The following GRID1 variants were observed in gnomAD, a reference collection of about 807,000 sequenced individuals.
The protein encoded by GRID1 is glutamate receptor ionotropic, delta-1.
Under a neutral mutation model 98.0 loss-of-function variants are expected in GRID1, and 28 were observed. That is an observed-to-expected ratio of 0.29 (90% CI 0.21 to 0.39). The LOEUF is 0.39. Ranked by LOEUF, GRID1 falls within the 10% of genes least tolerant of loss-of-function variation. The probability of loss-of-function intolerance (pLI) is 1.00; values close to 1 mark genes in which losing one functional copy is unlikely to be tolerated. For synonymous variants in GRID1, 553 were observed against 538.5 expected (o/e 1.03, Z -0.37); for missense variants, 1,111 against 1,340.5 (o/e 0.83, Z 2.67).
chr10:86,196,028 G>T (rs1014711039), intron 3 of GRID1, among the ~76,000 whole-genome samples: 4 of 152,040 alleles, frequency 2.6e-5, no homozygotes, highest in Non-Finnish European at 4.4e-5. Context: ...ATCAGAAGAG[G>T]AAAACCCTAT....
intron 3 of GRID1, among the ~76,000 whole-genome samples, chr10:86,172,529 A>G (rs947736622): frequency 6.6e-6 from 1 of 152,196 alleles, no homozygotes; most frequent in African/African-American, 2.4e-5. Context: ...TCCCACCGCA[A>G]AGTACTGCCC....
intron 2 of GRID1, among the ~76,000 whole-genome samples, chr10:86,307,733 G>A (rs912004085): frequency 2.6e-5 from 4 of 152,048 alleles, no homozygotes; most frequent in African/African-American, 9.7e-5. Flanking sequence ...GTGATGATAT[G>A]TTCATTAGCC....
At chr10:85,970,203 G>C (rs778363918) in intron 4 of GRID1, among the ~76,000 whole-genome samples, 1 of 151,948 alleles carries the variant, frequency 6.6e-6, no homozygotes, top group Non-Finnish European at 1.5e-5. Flanking sequence ...TAAAGTCAAA[G>C]CCCAGATGTC....
intron 12 of GRID1, among the ~76,000 whole-genome samples, chr10:85,675,895 G>C (rs556565720): frequency 6.6e-6 from 1 of 152,146 alleles, no homozygotes; most frequent in Non-Finnish European, 1.5e-5. Flanking sequence ...CATGCATTTT[G>C]TGAGGGCTGG....
chr10:85,944,066 G>A (rs1319042149), intron 4 of GRID1, among the ~76,000 whole-genome samples: 2 of 152,196 alleles, frequency 1.3e-5, no homozygotes, highest in Non-Finnish European at 2.9e-5. Context: ...ATGGCCCACT[G>A]GCCTCCATTG....
In GRID1 at chr10:86,189,579, T is replaced by C. The variant is rs116919123; in HGVS notation, c.520+16785A>G. Among the ~76,000 whole-genome samples, 107 of 152,140 alleles carry C rather than the reference T, an allele frequency of 7.0e-4. No homozygotes were observed. The East Asian group carries it at 0.015, about 22-fold the overall frequency. On this transcript the variant is annotated intron_variant, in intron 3 of 15. Transcript: ENST00000327946. ...CCACAAACTGCACTAAAAACACAAC[T>C]TTATAGATCCCTGACCATGAACCTG...
intron 3 of GRID1, among the ~76,000 whole-genome samples, chr10:86,188,430 T>A (rs1467451773): frequency 2.0e-5 from 3 of 152,328 alleles, no homozygotes; most frequent in Admixed American, 2.0e-4. Context: ...TTGCTAGGCC[T>A]GTCCTGTCCA....
At chr10:85,828,279 C>A (rs1247600365) in intron 8 of GRID1, among the ~76,000 whole-genome samples, 1 of 151,968 alleles carries the variant, frequency 6.6e-6, no homozygotes, top group East Asian at 1.9e-4. Context: ...ATCTCTGGGA[C>A]ACAGCTAAAG....
chr10:85,929,949 T>A (rs1467002760), intron 4 of GRID1, among the ~76,000 whole-genome samples: 3 of 152,214 alleles, frequency 2.0e-5, no homozygotes, highest in Non-Finnish European at 4.4e-5. Context: ...TTCATTTCCC[T>A]TCCCAGTATT....
chr10:86,301,143 G>A (rs1047408244), intron 2 of GRID1, among the ~76,000 whole-genome samples: 2 of 152,164 alleles, frequency 1.3e-5, no homozygotes, highest in Admixed American at 1.3e-4. Flanking sequence ...ACCAGCCCAT[G>A]GGAGCAGAAA....
intron 8 of GRID1, among the ~76,000 whole-genome samples, chr10:85,841,733 C>T (rs1227033538): frequency 1.3e-5 from 2 of 152,052 alleles, no homozygotes; most frequent in African/African-American, 2.4e-5. Context: ...AAAAGCTCAA[C>T]ATCACTGATC....
intron 4 of GRID1, among the ~76,000 whole-genome samples, chr10:86,031,603 A>G (rs1279478094): frequency 6.6e-6 from 1 of 152,028 alleles, no homozygotes. Flanking sequence ...GAACCTGACC[A>G]CTGTTTAGGT....
At chr10:86,330,044 C>T (rs1036072971) in intron 2 of GRID1, among the ~76,000 whole-genome samples, 30 of 152,168 alleles carry the variant, frequency 2.0e-4, no homozygotes, top group African/African-American at 6.3e-4. Flanking sequence ...ATTGCCTCCC[C>T]ACAAAGTCCT....
At chr10:86,207,877 G>A (rs563374025) in intron 2 of GRID1, among the ~76,000 whole-genome samples, 8 of 152,162 alleles carry the variant, frequency 5.3e-5, no homozygotes, top group Admixed American at 3.9e-4. Context: ...TGATCCGCCC[G>A]TCTCGACCTC....
chr10:85,825,617 T>C (rs745848906), intron 8 of GRID1, among the ~76,000 whole-genome samples: 1 of 152,202 alleles, frequency 6.6e-6, no homozygotes, highest in Non-Finnish European at 1.5e-5. Context: ...TAGATTGTAA[T>C]GAGTCAAATG....
At chr10:85,982,248 C>G (rs954613337) in intron 4 of GRID1, among the ~76,000 whole-genome samples, 3 of 151,290 alleles carry the variant, frequency 2.0e-5, no homozygotes, top group Non-Finnish European at 4.4e-5. Context: ...TGTTAATTTA[C>G]TTGGCTATAC....
chr10:85,742,465 T>C (rs1243850685), intron 8 of GRID1, among the ~76,000 whole-genome samples: 1 of 152,250 alleles, frequency 6.6e-6, no homozygotes, highest in Non-Finnish European at 1.5e-5. Flanking sequence ...CCTAGAATGT[T>C]CTTGCTTCAA....
At chr10:85,930,305 CTTGCGGTT>C in intron 4 of GRID1, among the ~76,000 whole-genome samples, 1 of 141,138 alleles carries the variant, frequency 7.1e-6, no homozygotes, top group Non-Finnish European at 1.6e-5. Context: ...CTACAAATAA[CTTGCGGTT>C]ATTTATAACT....
chr10:85,902,717 C>T (rs560091518), intron 5 of GRID1, among the ~76,000 whole-genome samples: 2 of 152,304 alleles, frequency 1.3e-5, no homozygotes, highest in Admixed American at 6.5e-5. Context: ...AATTATGTGA[C>T]ATCAAACTGT....
Sources: gnomAD v4.1 joint callset for allele counts (sites outside exome capture counted in the v4.1 genomes callset) on GRCh38, gnomAD v4.1.1 for gene constraint, MANE v1.5 for transcripts, NCBI Gene and HGNC (gene_info 2026-07-23, HGNC 2026-07-21) for gene names.